Variants in AGRN observed in about 807,000 individuals in gnomAD.
The protein encoded by AGRN is agrin proteoglycan.
A neutral mutation model predicts 211.0 loss-of-function variants in AGRN; 106 were observed. The ratio of observed to expected loss-of-function variants is 0.50; its 90% CI spans 0.43 to 0.59. AGRN has a LOEUF of 0.59. Ranked by LOEUF, AGRN falls within the 20% of genes least tolerant of loss-of-function variation. AGRN has a pLI of 0.00. For synonymous variants in AGRN, 1,525 were observed against 1,332.5 expected (o/e 1.14, Z -3.15); for missense variants, 3,040 against 2,982.6 (o/e 1.02, Z -0.45).
chr1:1,050,270 C>T lies in AGRN; in HGVS notation c.4917C>T (p.Asp1639=). The T allele has an allele frequency of 6.2e-7, 1 of 1,613,150 alleles. No individual in the cohort carries two copies. Among genetic ancestry groups the T allele is most frequent in the Non-Finnish European group, 8.5e-7 (1 of 1,179,926 alleles). Residue 1639 remains aspartate, a synonymous_variant, in exon 28 of 36, where the codon GAC becomes GAT. Transcript: ENST00000379370. ...ACGGCTCTGGGCCCTTCCTGGCTGA[C>T]TTCAACGGCTTCTCCCACCTGGAGC... ...GQDGSGPFLA[D]FNGFSHLELR...
intron 20 of AGRN, 52 bp from the exon 21 acceptor site, chr1:1,047,521 G>C: frequency 6.2e-7 from 1 of 1,612,846 alleles, no homozygotes; most frequent in Non-Finnish European, 8.5e-7. Context: ...AGCAGCACCA[G>C]GGCAGCCCGG....
chr1:1,044,897 G>T (rs753074990), intron 12 of AGRN, among the ~76,000 whole-genome samples: 1 of 152,164 alleles, frequency 6.6e-6, no homozygotes, highest in Non-Finnish European at 1.5e-5. Flanking sequence ...GGAAGCTCGC[G>T]TGTGTGTGTG....
At chr1:1,044,565 G>C in intron 12 of AGRN, 126 bp downstream of exon 12, 1 of 1,030,478 alleles carries the variant, frequency 9.7e-7, no homozygotes, top group Non-Finnish European at 1.4e-6. Context: ...TTGTAAGTGA[G>C]CATCGTCCAG....
In AGRN at chr1:1,055,412, T is replaced by G; in HGVS notation, c.*431T>G. Reference sequence around the variant, plus strand: ...AGCCCCCATTTGAGCTGCTCCTTCCTGTGTGTGCTCTGGGCCCTGCCTCGG... The same window carrying G: ...AGCCCCCATTTGAGCTGCTCCTTCCGGTGTGTGCTCTGGGCCCTGCCTCGG... On this transcript the variant is annotated 3_prime_UTR_variant, in exon 36 of 36. Transcript: ENST00000379370. The G allele has an allele frequency of 3.0e-6, 1 of 328,174 alleles. No individual in the cohort carries two copies. Among genetic ancestry groups the G allele is most frequent in the Non-Finnish European group, 6.0e-6 (1 of 167,654 alleles). 20.3% of individuals were successfully genotyped at this position (328,174 alleles called of 1,614,324 possible). A position where few individuals can be genotyped will look rare whatever the true frequency, so the allele number is the denominator to read the frequency against.
At chr1:1,024,380 C>T (rs1228685763) in intron 2 of AGRN, among the ~76,000 whole-genome samples, 1 of 152,004 alleles carries the variant, frequency 6.6e-6, no homozygotes, top group African/African-American at 2.4e-5. Context: ...CACCCTGGGC[C>T]CTCTGGTAGC....
Position 1,034,076 on chromosome 1 carries a change from C to T in AGRN, c.464-1201C>T, listed in dbSNP as rs1236172435. Reference sequence around the variant, plus strand: ...CGGCCTCCGCAGGCGGCGCTTTCTTCTCGCTCCCGACGCGGCCGCCCCTCC... The same window carrying T: ...CGGCCTCCGCAGGCGGCGCTTTCTTTTCGCTCCCGACGCGGCCGCCCCTCC... On this transcript the variant is annotated intron_variant, in intron 2 of 35. Transcript: ENST00000379370. 4.1e-6 allele frequency: 4 copies of T among 971,632 alleles called. No homozygotes were observed. In the African/African-American group the frequency reaches 7.0e-5, roughly 17 times the overall value. The allele number at this position is 971,632 out of a possible 1,614,324, so 60.2% of individuals were successfully genotyped here. A position where few individuals can be genotyped will look rare whatever the true frequency, so the allele number is the denominator to read the frequency against.
At chr1:1,030,260 CGT>C (rs201369042) in intron 2 of AGRN, among the ~76,000 whole-genome samples, 2 of 55,828 alleles carry the variant, frequency 3.6e-5, no homozygotes, top group South Asian at 1.3e-3. Context: ...GTGAGATCAG[CGT>C]GTGTGTGTGT....
At chr1:1,039,964 G>A (rs1176816721) in intron 3 of AGRN, among the ~76,000 whole-genome samples, 1 of 152,194 alleles carries the variant, frequency 6.6e-6, no homozygotes, top group Non-Finnish European at 1.5e-5. Flanking sequence ...CTTCTCCAGG[G>A]AAGCTGGGGA....
intron 2 of AGRN, chr1:1,034,713 C>T (rs961509414): frequency 3.4e-5 from 34 of 996,690 alleles, no homozygotes; most frequent in Admixed American, 5.3e-5. Flanking sequence ...TGTAGGTGGC[C>T]GCGGGCGGGG....
chr1:1,039,643 C>G (rs1172397145), intron 3 of AGRN, among the ~76,000 whole-genome samples: 1 of 152,080 alleles, frequency 6.6e-6, no homozygotes, highest in Non-Finnish European at 1.5e-5. Context: ...CCTGAGGCAG[C>G]TTTGTTGGCC....
intron 2 of AGRN, among the ~76,000 whole-genome samples, chr1:1,023,522 C>T (rs931264465): frequency 6.6e-6 from 1 of 152,020 alleles, no homozygotes; most frequent in Non-Finnish European, 1.5e-5. Context: ...CTTCTGGGCA[C>T]TCATGGTCTG....
At chr1:1,054,696 A>C in intron 35 of AGRN, 128 bp from the exon 36 acceptor site, 1 of 1,482,244 alleles carries the variant, frequency 6.7e-7, no homozygotes, top group Non-Finnish European at 9.1e-7. Flanking sequence ...TAGCCCCTGC[A>C]GTTCCCAGTG....
intron 3 of AGRN, among the ~76,000 whole-genome samples, chr1:1,038,104 G>A (rs1447120707): frequency 6.6e-6 from 1 of 152,160 alleles, no homozygotes; most frequent in Admixed American, 6.5e-5. Context: ...TAGGAGGGAG[G>A]GACCAGCACT....
chr1:1,053,669 A>G, intron 33 of AGRN, 84 bp from the exon 34 acceptor site: 1 of 1,505,978 alleles, frequency 6.6e-7, no homozygotes. Flanking sequence ...TGGCCTCCGC[A>G]GCTGGGGCCC....
In AGRN at chr1:1,048,045, CAGG is replaced by C; in HGVS notation, c.3788_3790del (p.Gly1263del). 6 of 1,586,244 alleles carry C rather than the reference CAGG, an allele frequency of 3.8e-6. No homozygotes were observed. The highest frequency in any genetic ancestry group is 5.1e-6 in the Non-Finnish European group (6 of 1,172,144). On this transcript the variant is annotated inframe_deletion, in exon 23 of 36. Transcript: ENST00000379370. This position sits in a 1 kb window ranked among gnomAD's most constrained non-coding sequence, Gnocchi z 5.9. ...CCTGCGTTTATCACGGGGGCCACGT[CAGG>C]AGCCATTGCTGCGGGAGCCACGGCC...
Position 1,053,922 on chromosome 1 carries a change from C to A in AGRN, c.5821C>A (p.Leu1941Met). Residue 1941 changes from leucine to methionine, a missense_variant, in exon 34 of 36, where the codon CTG (leucine) becomes ATG (methionine). Physicochemically the swap from Leu to Met is conservative, Grantham distance 15 (BLOSUM62 2). This residue lies in a region of AGRN where 1,537 missense variants were observed against 1,505.0 expected (regional missense o/e 1.02). Coordinates refer to ENST00000379370, the MANE Select transcript of AGRN (RefSeq NM_198576.4). ...CAACCTGGGCTCCCAGCCCGTGGTG[C>A]TGCGTTCCACCGTGCCCGTCAACAC... is the stretch of plus-strand genomic sequence containing the variant. ...SYNLGSQPVV[L>M]RSTVPVNTNR... 1 of 1,606,344 alleles carries A rather than the reference C, an allele frequency of 6.2e-7. No homozygotes were observed. Among genetic ancestry groups the A allele is most frequent in the Non-Finnish European group, 8.5e-7 (1 of 1,177,230 alleles).
intron 17 of AGRN, 63 bp from the exon 18 acceptor site, chr1:1,046,334 C>A: frequency 1.9e-6 from 3 of 1,607,540 alleles, no homozygotes; most frequent in Non-Finnish European, 2.6e-6. Flanking sequence ...TCCAGCCCCA[C>A]CCGCCCTGAG....
chr1:1,020,497 G>A, intron 1 of AGRN, 124 bp downstream of exon 1: 6 of 972,194 alleles, frequency 6.2e-6, no homozygotes, highest in South Asian at 2.5e-5. Flanking sequence ...CTTGGCGACC[G>A]CCAAGCCCCG....
At chr1:1,025,719 G>T (rs1181760789) in intron 2 of AGRN, among the ~76,000 whole-genome samples, 5 of 152,252 alleles carry the variant, frequency 3.3e-5, no homozygotes, top group African/African-American at 1.2e-4. Context: ...CTGGGAGGGG[G>T]TCTGCCGGGT....
Sources: gnomAD v4.1 joint callset for allele counts (sites outside exome capture counted in the v4.1 genomes callset) on GRCh38, gnomAD v4.1.1 for gene constraint, gnomAD v4.1.1 regional missense constraint, Gnocchi (gnomAD v3.1) non-coding constraint, MANE v1.5 for transcripts, NCBI Gene and HGNC (gene_info 2026-07-23, HGNC 2026-07-21) for gene names.